CHGA: variants seen among roughly 807,000 people sequenced by gnomAD.
The protein encoded by CHGA is chromogranin-A.
CHGA carries 41 observed loss-of-function variants against 54.4 expected under a neutral mutation model. That is an observed-to-expected ratio of 0.75 (90% CI 0.59 to 0.98). The LOEUF (loss-of-function observed/expected upper bound fraction) is 0.98, where lower values mean the gene tolerates loss of function less well. Among genes scored for constraint, CHGA ranks in the 50% least tolerant of loss-of-function variants. CHGA has a pLI of 0.00. For missense variants in CHGA, 576 were observed against 582.3 expected, an observed-to-expected ratio of 0.99 and a Z score of 0.11; for synonymous variants, 249 against 232.8, an observed-to-expected ratio of 1.07 and a Z score of -0.63.
rs556703425 is a variant in CHGA, at chr14:92,926,626, G to A, written c.115G>A (p.Val39Ile). 11 of 1,613,938 alleles carry A rather than the reference G, an allele frequency of 6.8e-6. No individual in the cohort carries two copies. In the African/African-American group the frequency reaches 9.3e-5, roughly 14 times the overall value. ...CCAGGTGATGAAATGCATCGTTGAGGTCATCTCCGACACACTTTCCAAGCC... is the reference window on the plus strand; with the variant it reads ...CCAGGTGATGAAATGCATCGTTGAGATCATCTCCGACACACTTTCCAAGCC... ...DTEVMKCIVE[V>I]ISDTLSKPSP... Residue 39 changes from valine to isoleucine, a missense_variant, in exon 3 of 8, where the codon GTC becomes ATC. Coordinates refer to ENST00000216492, the MANE Select transcript of CHGA (RefSeq NM_001275.4).
Position 92,931,405 on chromosome 14 carries a change from GGGGA to G in CHGA, c.514_517del (p.Glu172LysfsTer45). On this transcript the variant is annotated frameshift_variant, in exon 6 of 8. Transcript: ENST00000216492. LOFTEE classifies it high-confidence loss of function. Reference sequence around the variant, plus strand: ...GGCTGAGGGGAACAATCAGGCCCCTGGGGAGGAAGAGGAGGAGGAGGAGGAGGCC... The same window carrying G: ...GGCTGAGGGGAACAATCAGGCCCCTGGGAAGAGGAGGAGGAGGAGGAGGCC... 1 of 1,611,648 alleles carries G rather than the reference GGGGA, an allele frequency of 6.2e-7. No homozygotes were observed. The highest frequency in any genetic ancestry group is 8.5e-7 in the Non-Finnish European group (1 of 1,179,342).
rs118094697 is a variant in CHGA at position 92,929,634 on chromosome 14, G to A, written c.257-83G>A. 4.1e-3 allele frequency: 5,011 copies of A among 1,215,420 alleles called. 15 individuals carry two copies. The highest frequency in any genetic ancestry group is 5.5e-3 in the Non-Finnish European group (4,558 of 826,044). The allele number at this position is 1,215,420 out of a possible 1,614,324, so 75.3% of individuals were successfully genotyped here. On this transcript the variant is annotated intron_variant, in intron 4 of 7. Transcript: ENST00000216492. The stretch of plus-strand genomic sequence containing the variant: ...AACATGATGTGCCCAGCTTACAGAT[G>A]GGGAAATGGAGGTCTTCACTCTTAT...
Position 92,926,742 on chromosome 14 carries a change from T to G in CHGA, c.187+44T>G, listed in dbSNP as rs1443265475. ...GGGTGAGGGCTGCTGCCTGCTGGGC[T>G]GGGAGGCTAGGACATGGGTGTGTGG... is the stretch of plus-strand genomic sequence containing the variant. On this transcript the variant is annotated intron_variant, in intron 3 of 7. Coordinates refer to ENST00000216492, the MANE Select transcript of CHGA (RefSeq NM_001275.4). 4 of 1,539,494 alleles carry G rather than the reference T, an allele frequency of 2.6e-6. No homozygotes were observed. In the African/African-American group the frequency reaches 5.4e-5, roughly 21 times the overall value.
chr14:92,928,229 G>A (rs924370616), intron 4 of CHGA, among the ~76,000 whole-genome samples: 9 of 152,226 alleles, frequency 5.9e-5, no homozygotes, highest in African/African-American at 2.2e-4. Flanking sequence ...AACGAAGCGA[G>A]AGTGTTTTTC....
In CHGA at chr14:92,927,539, C is replaced by A; in HGVS notation, c.188-11C>A. On this transcript the variant is annotated splice_polypyrimidine_tract_variant and intron_variant, in intron 3 of 7. Transcript: ENST00000216492. ...CTGGAAACCACCCATGATGACTCTT[C>A]TTCATTGCAGATGAACGGATCCTTT... is the stretch of plus-strand genomic sequence containing the variant. 1 of 1,611,250 alleles carries A rather than the reference C, an allele frequency of 6.2e-7. No homozygotes were observed. The highest frequency in any genetic ancestry group is 8.5e-7 in the Non-Finnish European group (1 of 1,178,258).
rs1250988415 is a variant in CHGA at position 92,926,701 on chromosome 14, A to G, written c.187+3A>G. 1 of 1,613,722 alleles carries G rather than the reference A, an allele frequency of 6.2e-7. No homozygotes were observed. Among genetic ancestry groups the G allele is most frequent in the South Asian group, 1.1e-5 (1 of 91,072 alleles). ...ATGTTTTGAGACACTCCGAGGAGGTATGAGCTGGAGGCTAGGGGTGAGGGC... is the reference window on the plus strand; with the variant it reads ...ATGTTTTGAGACACTCCGAGGAGGTGTGAGCTGGAGGCTAGGGGTGAGGGC... On this transcript the variant is annotated splice_donor_region_variant and intron_variant, in intron 3 of 7. Coordinates refer to ENST00000216492, the MANE Select transcript of CHGA (RefSeq NM_001275.4).
chr14:92,931,083 C>T (rs1595061810), intron 5 of CHGA, among the ~76,000 whole-genome samples, 167 bp from the exon 6 acceptor site: 1 of 152,250 alleles, frequency 6.6e-6, no homozygotes, highest in East Asian at 1.9e-4. Flanking sequence ...TCCAGCTGTG[C>T]TCAGATCAAG....
At chr14:92,926,741 C>G (rs1034548560) in intron 3 of CHGA, 43 bp downstream of exon 3, 1 of 1,538,530 alleles carries the variant, frequency 6.5e-7, no homozygotes, top group Non-Finnish European at 9.0e-7. Context: ...GCCTGCTGGG[C>G]TGGGAGGCTA....
chr14:92,923,240 C>A lies in CHGA; in HGVS notation c.-120C>A, dbSNP rs1362004519. On this transcript the variant is annotated 5_prime_UTR_variant, in exon 1 of 8. Coordinates refer to ENST00000216492, the MANE Select transcript of CHGA (RefSeq NM_001275.4). Reference sequence around the variant, plus strand: ...CAGACGGACGCACGCCGAGGCACTGCGCCCCCAGCCCCGCGCCGGTGCCAC... The same window carrying A: ...CAGACGGACGCACGCCGAGGCACTGAGCCCCCAGCCCCGCGCCGGTGCCAC... 3 of 894,684 alleles carry A rather than the reference C, an allele frequency of 3.4e-6. No homozygotes were observed. Among genetic ancestry groups the A allele is most frequent in the African/African-American group, 3.5e-5 (2 of 56,960 alleles). The allele number at this position is 894,684 out of a possible 1,614,324, so 55.4% of individuals were successfully genotyped here. A position where few individuals can be genotyped will look rare whatever the true frequency, so the allele number is the denominator to read the frequency against.
intron 2 of CHGA, among the ~76,000 whole-genome samples, chr14:92,925,821 GC>G (rs1886876348): frequency 6.6e-6 from 1 of 152,188 alleles, no homozygotes; most frequent in Non-Finnish European, 1.5e-5. Context: ...GGACACTGAG[GC>G]TCAGAGAGGT....
Position 92,931,572 on chromosome 14 carries a change from G to C in CHGA, c.678G>C (p.Lys226Asn), listed in dbSNP as rs753149011. 3.7e-6 allele frequency: 6 copies of C among 1,612,962 alleles called. No individual in the cohort carries two copies. Among genetic ancestry groups the C allele is most frequent in the Non-Finnish European group, 5.1e-6 (6 of 1,179,812 alleles). ...GLSAEPGWQA[K>N]REEEEEEEEE... ...GTGCAGAGCCAGGGTGGCAGGCAAAGAGAGAAGAGGAGGAGGAGGAGGAGG... is the reference window on the plus strand; with the variant it reads ...GTGCAGAGCCAGGGTGGCAGGCAAACAGAGAAGAGGAGGAGGAGGAGGAGG... Residue 226 changes from lysine (K) to asparagine (N), a missense_variant, in exon 6 of 8, where the codon AAG becomes AAC. Lys to Asn is a moderately conservative substitution (Grantham distance 94, BLOSUM62 0). Transcript: ENST00000216492.
chr14:92,932,862 G>C lies in CHGA; in HGVS notation c.1290+11G>C, dbSNP rs1020002998. 15 of 1,470,748 alleles carry C rather than the reference G, an allele frequency of 1.0e-5. 1 individual carries two copies. The highest frequency in any genetic ancestry group is 7.4e-5 in the East Asian group (3 of 40,668). 91.1% of individuals were successfully genotyped at this position (1,470,748 alleles called of 1,614,324 possible). A position where few individuals can be genotyped will look rare whatever the true frequency, so the allele number is the denominator to read the frequency against. On this transcript the variant is annotated intron_variant, in intron 7 of 7. Transcript: ENST00000216492. The surrounding 1 kb of genome is among the most constrained non-coding windows in gnomAD (Gnocchi z 5.3). Reference sequence around the variant, plus strand: ...AACCGCAGACCAGAGGTTGGTATGGGGCGGGAGCCAGCTCTGTGCCAGGCC... The same window carrying C: ...AACCGCAGACCAGAGGTTGGTATGGCGCGGGAGCCAGCTCTGTGCCAGGCC...
At position 92,934,983 on chromosome 14, in the gene CHGA, T is replaced by A; in HGVS notation, c.*99T>A. On this transcript the variant is annotated 3_prime_UTR_variant, in exon 8 of 8. Coordinates refer to ENST00000216492, the MANE Select transcript of CHGA (RefSeq NM_001275.4). ...CAGATGGCCCGGATGCTGCTTCCGGTAGGGAGGCAGCCTCCAGCCTGCCCA... is the reference window on the plus strand; with the variant it reads ...CAGATGGCCCGGATGCTGCTTCCGGAAGGGAGGCAGCCTCCAGCCTGCCCA... The A allele has an allele frequency of 9.7e-7, 1 of 1,032,528 alleles. No homozygotes were observed. Among genetic ancestry groups the A allele is most frequent in the Non-Finnish European group, 1.4e-6 (1 of 731,940 alleles). 64.0% of individuals were successfully genotyped at this position (1,032,528 alleles called of 1,614,324 possible).
Position 92,934,935 on chromosome 14 carries a change from C to A in CHGA, c.*51C>A. On this transcript the variant is annotated 3_prime_UTR_variant, in exon 8 of 8. Transcript: ENST00000216492. ...AGGGCACCCTGTGGCCCTGGCTCTG[C>A]TGTCCCCTTGGCAGGTCCTGGCCAG... The A allele has an allele frequency of 6.8e-7, 1 of 1,473,208 alleles. No homozygotes were observed. 91.3% of individuals were successfully genotyped at this position (1,473,208 alleles called of 1,614,324 possible).
At position 92,924,179 on chromosome 14, in the gene CHGA, C is replaced by A. The variant is rs1259737929; in HGVS notation, c.47-20C>A. The A allele has an allele frequency of 6.2e-7, 1 of 1,609,610 alleles. No homozygotes were observed. Among genetic ancestry groups the A allele is most frequent in the Non-Finnish European group, 8.5e-7 (1 of 1,178,464 alleles). ...ACTTGGAGCAGAGGAGTGACCCCAG[C>A]ACTCTCTTCTTCTTCCCAGTCACTG... On this transcript the variant is annotated intron_variant, in intron 1 of 7. Coordinates refer to ENST00000216492, the MANE Select transcript of CHGA (RefSeq NM_001275.4).
rs560425894 is a variant in CHGA at position 92,931,574 on chromosome 14, G to C, written c.680G>C (p.Arg227Thr). 3.8e-5 allele frequency: 62 copies of C among 1,612,638 alleles called. No homozygotes were observed. The highest frequency in any genetic ancestry group is 5.5e-5 in the South Asian group (5 of 90,998). ...LSAEPGWQAK[R>T]EEEEEEEEEA... ...GCAGAGCCAGGGTGGCAGGCAAAGA[G>C]AGAAGAGGAGGAGGAGGAGGAGGAG... Residue 227 changes from arginine (R) to threonine (T), a missense_variant, in exon 6 of 8, where the codon AGA (arginine) becomes ACA (threonine). Transcript: ENST00000216492.
chr14:92,923,077 G>A, upstream of CHGA: 1 of 282,586 alleles, frequency 3.5e-6, no homozygotes, highest in East Asian at 5.9e-5. Context: ...GTGGGGAAAG[G>A]GGAAGGGGGC....
At position 92,923,495 on chromosome 14, in the gene CHGA, C is replaced by G. The variant is rs377037195; in HGVS notation, c.46+90C>G. 5.1e-5 allele frequency: 57 copies of G among 1,120,482 alleles called. No individual in the cohort carries two copies. In the African/African-American group the frequency reaches 8.4e-4, roughly 17 times the overall value. 69.4% of individuals were successfully genotyped at this position (1,120,482 alleles called of 1,614,324 possible). On this transcript the variant is annotated intron_variant, in intron 1 of 7. Transcript: ENST00000216492. ...GCACCGCGCGGCGCCCCGCACCCCT[C>G]CACACTTCCCTTCGGGCGCGGCGAG...
In CHGA at chr14:92,923,408, G is replaced by T; in HGVS notation, c.46+3G>T. The T allele has an allele frequency of 1.6e-6, 2 of 1,260,602 alleles. No homozygotes were observed. Among genetic ancestry groups the T allele is most frequent in the South Asian group, 6.0e-5 (2 of 33,526 alleles). 78.1% of individuals were successfully genotyped at this position (1,260,602 alleles called of 1,614,324 possible). On this transcript the variant is annotated splice_donor_region_variant and intron_variant, in intron 1 of 7. Transcript: ENST00000216492. ...TCTTCTGCTCTGCGCCGGGCAAGGT[G>T]AGCGAGCGCGGGGAGCTCGCGGGAG...
Sources: allele counts gnomAD v4.1 joint callset (sites outside exome capture counted in the v4.1 genomes callset), GRCh38; gene constraint gnomAD v4.1.1; non-coding constraint Gnocchi (gnomAD v3.1); transcripts MANE v1.5; gene names NCBI Gene and HGNC (gene_info 2026-07-23, HGNC 2026-07-21).